Variants in EIF4EBP2 observed in about 807,000 individuals in gnomAD.
The protein encoded by EIF4EBP2 is eukaryotic translation initiation factor 4E binding protein 2.
EIF4EBP2 carries 5 observed loss-of-function variants against 10.3 expected under a neutral mutation model. The observed-to-expected ratio is 0.48, with a 90% CI of 0.25 to 1.02. EIF4EBP2 has a LOEUF of 1.02. Among genes scored for constraint, EIF4EBP2 ranks in the 50% least tolerant of loss-of-function variants. EIF4EBP2 has a pLI of 0.15. For synonymous variants in EIF4EBP2, 67 were observed against 61.1 expected (o/e 1.10, Z -0.45); for missense variants, 188 against 162.2 (o/e 1.16, Z -0.86).
intron 1 of EIF4EBP2, 75 bp from the exon 2 acceptor site, chr10:70,419,839 A>G (rs938086730): frequency 9.1e-7 from 1 of 1,093,050 alleles, no homozygotes; most frequent in Non-Finnish European, 1.3e-6. Flanking sequence ...TGGGATTTAA[A>G]TTAAATTCCT....
At chr10:70,420,318 G>C (rs1845141002) in intron 2 of EIF4EBP2, among the ~76,000 whole-genome samples, 2 of 152,166 alleles carry the variant, frequency 1.3e-5, no homozygotes, top group African/African-American at 4.8e-5. Flanking sequence ...TCCTGCCTCA[G>C]CCTCCCGAGT....
intron 2 of EIF4EBP2, among the ~76,000 whole-genome samples, chr10:70,420,541 A>G (rs1239255633): frequency 2.0e-5 from 3 of 152,064 alleles, no homozygotes; most frequent in African/African-American, 2.4e-5. Context: ...ATATGTCTCT[A>G]AGGTTTCCCT....
chr10:70,405,988 G>C (rs746834200), intron 1 of EIF4EBP2, among the ~76,000 whole-genome samples: 1 of 152,144 alleles, frequency 6.6e-6, no homozygotes, highest in African/African-American at 2.4e-5. Context: ...AGACCAACTC[G>C]TGTTTGAGCA....
chr10:70,404,512 G>GC lies in EIF4EBP2; in HGVS notation c.114dup (p.Gly39ArgfsTer17). ...AGCTACCTCATGACTATTGCACCAC[G>GC]CCCGGGGGGACGCTCTTCTCCACCA... On this transcript the variant is annotated frameshift_variant, in exon 1 of 3. Coordinates refer to ENST00000373218, the MANE Select transcript of EIF4EBP2 (RefSeq NM_004096.5). LOFTEE classifies it high-confidence loss of function. 1 of 1,591,058 alleles carries GC rather than the reference G, an allele frequency of 6.3e-7. No individual in the cohort carries two copies. Among genetic ancestry groups the GC allele is most frequent in the Non-Finnish European group, 8.5e-7 (1 of 1,171,812 alleles).
rs1489803003 is a variant in EIF4EBP2 at position 70,427,093 on chromosome 10, G to T, written c.*5346G>T. The T allele has an allele frequency of 6.6e-6, 1 of 152,218 alleles. No individual in the cohort carries two copies. Among genetic ancestry groups the T allele is most frequent in the Non-Finnish European group, 1.5e-5 (1 of 68,042 alleles). The allele number at this position is 152,218 out of a possible 1,614,324, so 9.4% of individuals were successfully genotyped here. ...GCCCTTTGCATTCCCCTTGAGCGAGGAAGCCACACTGCCTTTCTGTGTCTG... is the reference window on the plus strand; with the variant it reads ...GCCCTTTGCATTCCCCTTGAGCGAGTAAGCCACACTGCCTTTCTGTGTCTG... On this transcript the variant is annotated 3_prime_UTR_variant, in exon 3 of 3. Transcript: ENST00000373218.
rs546444661 is a variant in EIF4EBP2, at chr10:70,426,745, T to C, written c.*4998T>C. The C allele has an allele frequency of 6.6e-6, 1 of 152,364 alleles. No homozygotes were observed. Among genetic ancestry groups the C allele is most frequent in the Admixed American group, 6.5e-5 (1 of 15,310 alleles). 9.4% of individuals were successfully genotyped at this position (152,364 alleles called of 1,614,324 possible). On this transcript the variant is annotated 3_prime_UTR_variant, in exon 3 of 3. Transcript: ENST00000373218. ...AAAGAACTCATCTTTAGAGTACCTT[T>C]AAATGAATTTTGTTTTTCTTTCTTA...
In EIF4EBP2 at chr10:70,405,348, T is replaced by A. The variant is rs555012632; in HGVS notation, c.145+802T>A. Among the ~76,000 whole-genome samples, 6 of 152,206 alleles carry A rather than the reference T, an allele frequency of 3.9e-5. No individual in the cohort carries two copies. In the South Asian group the frequency reaches 6.2e-4, roughly 16 times the overall value. ...AGAGAGAGGCAATCCAGAGAGAGGG[T>A]GGTTCCCTGGCATTGCTTTTCAAAG... On this transcript the variant is annotated intron_variant, in intron 1 of 2. Transcript: ENST00000373218.
chr10:70,407,116 C>CT (rs35260368), intron 1 of EIF4EBP2, among the ~76,000 whole-genome samples: 22,762 of 136,622 alleles, frequency 0.17, 2,179 homozygotes, highest in Middle Eastern at 0.22. Flanking sequence ...CCAGGATGGT[C>CT]TTTTTTTTTT....
At chr10:70,407,881 T>G (rs1284881508) in intron 1 of EIF4EBP2, among the ~76,000 whole-genome samples, 59 of 85,794 alleles carry the variant, frequency 6.9e-4, no homozygotes, top group Non-Finnish European at 9.0e-4. Flanking sequence ...CCCTCCCGGA[T>G]GGGGCGGCTG....
In EIF4EBP2 at chr10:70,421,986, C is replaced by G; in HGVS notation, c.*239C>G. Reference sequence around the variant, plus strand: ...AAACAGGTTAGATTGAAGGCCCTTGCTGTATTTCTGTAGAGCTAAGCAGCC... The same window carrying G: ...AAACAGGTTAGATTGAAGGCCCTTGGTGTATTTCTGTAGAGCTAAGCAGCC... On this transcript the variant is annotated 3_prime_UTR_variant, in exon 3 of 3. Coordinates refer to ENST00000373218, the MANE Select transcript of EIF4EBP2 (RefSeq NM_004096.5). 2.0e-6 allele frequency: 1 copy of G among 503,900 alleles called. No homozygotes were observed. The allele number at this position is 503,900 out of a possible 1,614,324, so 31.2% of individuals were successfully genotyped here.
chr10:70,417,559 A>G (rs2137230281), intron 1 of EIF4EBP2, among the ~76,000 whole-genome samples: 1 of 152,356 alleles, frequency 6.6e-6, no homozygotes, highest in East Asian at 1.9e-4. Context: ...GAGGTTCTTC[A>G]GAGTTTCTCT....
In EIF4EBP2 at chr10:70,425,356, G is replaced by C. The variant is rs1208411014; in HGVS notation, c.*3609G>C. Reference sequence around the variant, plus strand: ...ACTAAGTTCAGCCTGCACTCAAGGAGAGAGGAATTACACATACCTCTACCC... The same window carrying C: ...ACTAAGTTCAGCCTGCACTCAAGGACAGAGGAATTACACATACCTCTACCC... On this transcript the variant is annotated 3_prime_UTR_variant, in exon 3 of 3. Transcript: ENST00000373218. The C allele has an allele frequency of 1.3e-5, 2 of 152,242 alleles. No homozygotes were observed. The highest frequency in any genetic ancestry group is 2.9e-5 in the Non-Finnish European group (2 of 68,052). 9.4% of individuals were successfully genotyped at this position (152,242 alleles called of 1,614,324 possible). A position where few individuals can be genotyped will look rare whatever the true frequency, so the allele number is the denominator to read the frequency against.
At chr10:70,410,599 C>G (rs1312498680) in intron 1 of EIF4EBP2, among the ~76,000 whole-genome samples, 1 of 152,240 alleles carries the variant, frequency 6.6e-6, no homozygotes, top group Non-Finnish European at 1.5e-5. Context: ...CATGAATGTT[C>G]TATAACTCAG....
chr10:70,405,678 C>T (rs1156511082), intron 1 of EIF4EBP2, among the ~76,000 whole-genome samples: 4 of 152,266 alleles, frequency 2.6e-5, no homozygotes, highest in Non-Finnish European at 5.9e-5. Flanking sequence ...ACAACCAATC[C>T]GATGCAGTTA....
chr10:70,404,895 G>C (rs370347051), intron 1 of EIF4EBP2, among the ~76,000 whole-genome samples: 2 of 152,236 alleles, frequency 1.3e-5, no homozygotes, highest in Non-Finnish European at 2.9e-5. Flanking sequence ...AGTCTGCATT[G>C]CCTGTCGTAG....
At chr10:70,411,849 CTCCTA>C (rs1368112854) in intron 1 of EIF4EBP2, among the ~76,000 whole-genome samples, 1 of 152,158 alleles carries the variant, frequency 6.6e-6, no homozygotes, top group African/African-American at 2.4e-5. Flanking sequence ...ATACTTCTGT[CTCCTA>C]TCCTCTTAAT....
rs574628146 is a variant in EIF4EBP2 at position 70,423,665 on chromosome 10, G to A, written c.*1918G>A. Reference sequence around the variant, plus strand: ...TTCTTTTGAACTATGAAAAGACCCTGTTTGTGAATATATTTTAGAAAGAGA... The same window carrying A: ...TTCTTTTGAACTATGAAAAGACCCTATTTGTGAATATATTTTAGAAAGAGA... On this transcript the variant is annotated 3_prime_UTR_variant, in exon 3 of 3. Coordinates refer to ENST00000373218, the MANE Select transcript of EIF4EBP2 (RefSeq NM_004096.5). 8.5e-5 allele frequency: 13 copies of A among 152,694 alleles called. No individual in the cohort carries two copies. The East Asian group carries it at 2.5e-3, about 29-fold the overall frequency. The allele number at this position is 152,694 out of a possible 1,614,324, so 9.5% of individuals were successfully genotyped here.
chr10:70,413,609 C>CAAAAAAAAA (rs57681671), intron 1 of EIF4EBP2, among the ~76,000 whole-genome samples: 3 of 97,364 alleles, frequency 3.1e-5, no homozygotes, highest in Non-Finnish European at 4.0e-5. Flanking sequence ...CCCTGACTCT[C>CAAAAAAAAA]AAAAAAAAAA....
intron 1 of EIF4EBP2, among the ~76,000 whole-genome samples, chr10:70,413,652 T>C (rs1845065669): frequency 6.6e-6 from 1 of 151,300 alleles, no homozygotes; most frequent in African/African-American, 2.4e-5. Flanking sequence ...TTTGTAACAT[T>C]TACGTACTGT....
Sources: allele counts gnomAD v4.1 joint callset (sites outside exome capture counted in the v4.1 genomes callset), GRCh38; gene constraint gnomAD v4.1.1; transcripts MANE v1.5; gene names NCBI Gene and HGNC (gene_info 2026-07-23, HGNC 2026-07-21).